Variants in YY1AP1 observed in about 807,000 individuals in gnomAD.
YY1AP1 encodes YY1-associated protein 1.
YY1AP1 carries 43 observed loss-of-function variants against 39.9 expected under a neutral mutation model. The ratio of observed to expected loss-of-function variants is 1.08; its 90% CI spans 0.84 to 1.39. The LOEUF is 1.39. Among genes scored for constraint, YY1AP1 ranks in the 40% most tolerant of loss-of-function variants. The pLI, the probability that YY1AP1 is intolerant of heterozygous loss-of-function variation, is 0.00. For missense variants in YY1AP1, 813 were observed against 900.7 expected (o/e 0.90, Z 1.25); for synonymous variants, 292 against 331.3 (o/e 0.88, Z 1.29).
intron 6 of YY1AP1, among the ~76,000 whole-genome samples, chr1:155,674,224 C>G (rs1307616060): frequency 2.0e-5 from 3 of 149,704 alleles, no homozygotes; most frequent in Non-Finnish European, 4.4e-5. Context: ...AAAACTAGCT[C>G]TACACATAAA....
intron 2 of YY1AP1, among the ~76,000 whole-genome samples, chr1:155,685,309 C>T (rs1387339845): frequency 6.6e-6 from 1 of 152,196 alleles, no homozygotes; most frequent in Admixed American, 6.5e-5. Flanking sequence ...CACTATCACA[C>T]AATTCACAGC....
chr1:155,681,668 A>T (rs1474002420), intron 2 of YY1AP1, among the ~76,000 whole-genome samples: 1 of 152,166 alleles, frequency 6.6e-6, no homozygotes, highest in Admixed American at 6.5e-5. Context: ...CCTATTCAAA[A>T]ACTCCATCAG....
chr1:155,685,879 C>A (rs973330548), intron 2 of YY1AP1, among the ~76,000 whole-genome samples: 1 of 152,006 alleles, frequency 6.6e-6, no homozygotes, highest in Non-Finnish European at 1.5e-5. Flanking sequence ...GGATAAGTGA[C>A]CCCAAAAAAC....
rs1647752659 is a variant in YY1AP1 at position 155,659,824 on chromosome 1, T to G, written c.2086A>C (p.Ser696Arg). The G allele has an allele frequency of 6.2e-7, 1 of 1,614,238 alleles. No individual in the cohort carries two copies. The highest frequency in any genetic ancestry group is 2.2e-5 in the East Asian group (1 of 44,888). The change falls in exon 11 of 11, where the codon AGT (serine) becomes CGT (arginine). Residue 696 changes from serine to arginine, a missense_variant. Physicochemically the swap from Ser to Arg is moderately radical, Grantham distance 110 (BLOSUM62 -1). This residue lies in a region of YY1AP1 where 586 missense variants were observed against 647.4 expected (regional missense o/e 0.91). Transcript: ENST00000355499. ...KQCQEGLSENSAYRWTVVKTE... is the reference protein window; with the variant it reads ...KQCQEGLSENRAYRWTVVKTE... The stretch of plus-strand genomic sequence containing the variant: ...TTCACAACGGTCCAGCGATAGGCAC[T>G]GTTCTCTGACAATCCTTCTTGGCAC...
At chr1:155,677,006 T>A (rs1650793007) in intron 4 of YY1AP1, among the ~76,000 whole-genome samples, 1 of 151,912 alleles carries the variant, frequency 6.6e-6, no homozygotes, top group Non-Finnish European at 1.5e-5. Context: ...GAAGAAAAAA[T>A]TAAACAAAAA....
intron 7 of YY1AP1, chr1:155,672,250 T>G: frequency 2.3e-6 from 1 of 428,170 alleles, no homozygotes; most frequent in South Asian, 2.3e-5. Context: ...CAGTTTATCT[T>G]GATCTGATTC....
chr1:155,673,027 A>G (rs559609977), intron 6 of YY1AP1, among the ~76,000 whole-genome samples: 4 of 152,034 alleles, frequency 2.6e-5, no homozygotes, highest in Admixed American at 6.6e-5. Flanking sequence ...TTAATTAATT[A>G]ATTTATTTTG....
chr1:155,682,861 G>A (rs1651716327), intron 2 of YY1AP1, among the ~76,000 whole-genome samples: 1 of 151,742 alleles, frequency 6.6e-6, no homozygotes. Context: ...TGAGCCTGGA[G>A]GATCACCTGA....
rs188668052 is a variant in YY1AP1 at position 155,680,361 on chromosome 1, T to C, written c.21+55A>G. ...GCATCACAGAGATCAAAGGACACAT[T>C]TTGTTGGAGAACCAACTTACAATCC... On this transcript the variant is annotated intron_variant, in intron 3 of 10. Transcript: ENST00000355499. 1.0e-5 allele frequency: 16 copies of C among 1,604,202 alleles called. No individual in the cohort carries two copies. The East Asian group carries it at 3.6e-4, about 36-fold the overall frequency.
intron 6 of YY1AP1, 108 bp downstream of exon 6, chr1:155,674,900 CAT>C (rs1650411951): frequency 5.4e-6 from 5 of 920,586 alleles, no homozygotes; most frequent in Non-Finnish European, 5.1e-6. Context: ...ACTCAGCAAA[CAT>C]AGGAAGCCAC....
At chr1:155,684,180 A>G (rs1651895825) in intron 2 of YY1AP1, among the ~76,000 whole-genome samples, 1 of 152,160 alleles carries the variant, frequency 6.6e-6, no homozygotes, top group African/African-American at 2.4e-5. Context: ...CCTGGGAGGC[A>G]GAGGTTGCAG....
At position 155,672,712 on chromosome 1, in the gene YY1AP1, G is replaced by A; in HGVS notation, c.431C>T (p.Ala144Val). The change falls in exon 7 of 11, where the codon GCT (alanine) becomes GTT (valine). Residue 144 changes from alanine (A) to valine (V), a missense_variant. Around this residue, in one of 3 missense-constraint regions of YY1AP1, gnomAD observed 196 missense variants for 189.7 expected, o/e 1.03. Transcript: ENST00000355499. ...RICLKELGTF[A>V]QSSIALHHQY... is the part of the protein sequence containing the mutation. ...ATGGTGAAGGGCGATGGAGCTTTGA[G>A]CAAAGGTTCCCAGCTCTTTCTGGGA... 6.2e-7 allele frequency: 1 copy of A among 1,614,160 alleles called. No individual in the cohort carries two copies.
intron 7 of YY1AP1, 95 bp downstream of exon 7, chr1:155,672,465 C>T: frequency 6.5e-7 from 1 of 1,548,686 alleles, no homozygotes; most frequent in Non-Finnish European, 8.9e-7. Flanking sequence ...GTCCTCCATT[C>T]CTAGGCAAGT....
chr1:155,688,308 C>T (rs1461736491), intron 1 of YY1AP1, 107 bp from the exon 2 acceptor site: 2 of 1,564,372 alleles, frequency 1.3e-6, no homozygotes, highest in African/African-American at 1.4e-5. Context: ...CCTCGCAAAG[C>T]GAACCCAAAA....
At chr1:155,675,992 G>A (rs929660856) in intron 5 of YY1AP1, among the ~76,000 whole-genome samples, 5 of 152,154 alleles carry the variant, frequency 3.3e-5, no homozygotes, top group Non-Finnish European at 5.9e-5. Context: ...GGGAGGCCGA[G>A]GCGGGTGGAT....
At chr1:155,671,942 A>C (rs773829575) in intron 7 of YY1AP1, among the ~76,000 whole-genome samples, 18 of 152,224 alleles carry the variant, frequency 1.2e-4, no homozygotes, top group Non-Finnish European at 2.1e-4. Flanking sequence ...TAATTTGCTA[A>C]GTCAGCAAAC....
At position 155,676,731 on chromosome 1, in the gene YY1AP1, C is replaced by T. The variant is rs964435364; in HGVS notation, c.141G>A (p.Leu47=). The change falls in exon 5 of 11, where the codon CTG becomes CTA. Residue 47 remains leucine, a synonymous_variant. Coordinates refer to ENST00000355499, the MANE Select transcript of YY1AP1 (RefSeq NM_139119.3). ...GATGTTGTTCATTTAGTAGGTTGGC[C>T]AGTAGTTCCTCAAACCTATCCCAAA... ...TPQALRFEEL[L]ANLLNEQHQI... 1.9e-6 allele frequency: 3 copies of T among 1,614,038 alleles called. No homozygotes were observed. The highest frequency in any genetic ancestry group is 2.5e-6 in the Non-Finnish European group (3 of 1,180,002).
chr1:155,667,084 G>C (rs1053514567), intron 9 of YY1AP1, among the ~76,000 whole-genome samples: 5 of 152,226 alleles, frequency 3.3e-5, no homozygotes. Context: ...TCCTTGGGAG[G>C]CTGACGTTGG....
intron 4 of YY1AP1, among the ~76,000 whole-genome samples, chr1:155,678,749 A>C (rs1450933247): frequency 2.0e-5 from 3 of 152,214 alleles, no homozygotes; most frequent in African/African-American, 4.8e-5. Context: ...AAGTTCAAAC[A>C]CAGGACTAAT....
Sources: allele counts gnomAD v4.1 joint callset (sites outside exome capture counted in the v4.1 genomes callset), GRCh38; gene constraint gnomAD v4.1.1; regional missense constraint gnomAD v4.1.1; transcripts MANE v1.5; gene names NCBI Gene and HGNC (gene_info 2026-07-23, HGNC 2026-07-21).